Variants in TRDN observed in about 807,000 individuals in gnomAD.
TRDN encodes triadin, also known as triadin in skeletal muscle.
A neutral mutation model predicts 149.7 loss-of-function variants in TRDN; 161 were observed. The observed-to-expected ratio is 1.08, with a 90% CI of 0.95 to 1.23. TRDN has a LOEUF of 1.23. Ranked by LOEUF, TRDN falls within the 50% of genes most tolerant of loss-of-function variation. The pLI, the probability that TRDN is intolerant of heterozygous loss-of-function variation, is 0.00. For synonymous variants in TRDN, 294 were observed against 250.5 expected (o/e 1.17, Z -1.64); for missense variants, 896 against 823.5 (o/e 1.09, Z -1.08).
intron 1 of TRDN, among the ~76,000 whole-genome samples, chr6:123,571,390 A>C (rs185182421): frequency 6.6e-6 from 1 of 152,304 alleles, no homozygotes; most frequent in East Asian, 1.9e-4. Context: ...AATCAACACA[A>C]GTGATAAAAT....
At chr6:123,608,226 T>C (rs1784610756) in intron 1 of TRDN, among the ~76,000 whole-genome samples, 1 of 142,972 alleles carries the variant, frequency 7.0e-6, no homozygotes, top group Non-Finnish European at 1.6e-5. Context: ...AATTATTTAG[T>C]ATCTCTGTAC....
chr6:123,300,547 C>G (rs1432064819), intron 24 of TRDN, among the ~76,000 whole-genome samples: 1 of 151,830 alleles, frequency 6.6e-6, no homozygotes, highest in Non-Finnish European at 1.5e-5. Context: ...AAAATTGTAC[C>G]TGTCATAGAC....
chr6:123,599,230 T>G (rs80307166), intron 1 of TRDN, among the ~76,000 whole-genome samples: 5,864 of 152,152 alleles, frequency 0.039, 366 homozygotes, highest in African/African-American at 0.13. Context: ...ATTTATTCTT[T>G]GCTCTGTACA....
At chr6:123,608,320 G>A (rs1784614765) in intron 1 of TRDN, among the ~76,000 whole-genome samples, 1 of 152,086 alleles carries the variant, frequency 6.6e-6, no homozygotes, top group Non-Finnish European at 1.5e-5. Context: ...AAAAATACTT[G>A]TCAGTCACTT....
chr6:123,556,838 C>T (rs746906571), intron 2 of TRDN, among the ~76,000 whole-genome samples: 16 of 152,100 alleles, frequency 1.1e-4, no homozygotes, highest in Non-Finnish European at 1.9e-4. Context: ...AATCCCAAAG[C>T]GATAGTGTCA....
At chr6:123,344,792 C>T (rs1378192559) in intron 21 of TRDN, among the ~76,000 whole-genome samples, 3 of 151,942 alleles carry the variant, frequency 2.0e-5, no homozygotes, top group Non-Finnish European at 4.4e-5. Context: ...TGGATAAATA[C>T]CAAGGAGCGT....
intron 24 of TRDN, among the ~76,000 whole-genome samples, chr6:123,285,287 A>G (rs959576265): frequency 2.6e-5 from 4 of 152,156 alleles, no homozygotes; most frequent in Non-Finnish European, 5.9e-5. Context: ...ATGATTTCAA[A>G]CTATATTATA....
chr6:123,296,558 T>C (rs892032708), intron 24 of TRDN, among the ~76,000 whole-genome samples: 15 of 146,964 alleles, frequency 1.0e-4, no homozygotes, highest in African/African-American at 3.4e-4. Context: ...GAAATATAAA[T>C]GTTAAATATA....
chr6:123,421,003 G>T (rs192348881), intron 12 of TRDN, among the ~76,000 whole-genome samples: 70 of 152,274 alleles, frequency 4.6e-4, no homozygotes, highest in Admixed American at 2.3e-3. Context: ...ATTTCCCTCT[G>T]ATTCTTTCTT....
At chr6:123,308,616 A>G (rs1311391789) in intron 24 of TRDN, among the ~76,000 whole-genome samples, 3 of 152,008 alleles carry the variant, frequency 2.0e-5, no homozygotes, top group African/African-American at 4.8e-5. Context: ...ACAAGTGTCT[A>G]TAGAAAATCT....
intron 25 of TRDN, 117 bp from the exon 26 acceptor site, chr6:123,278,464 T>C: frequency 1.5e-6 from 1 of 655,802 alleles, no homozygotes; most frequent in South Asian, 3.7e-5. Context: ...GGTTTCAATC[T>C]CCTATTAACT....
chr6:123,398,497 T>C (rs1772826831), intron 12 of TRDN, among the ~76,000 whole-genome samples: 1 of 152,226 alleles, frequency 6.6e-6, no homozygotes, highest in Non-Finnish European at 1.5e-5. Context: ...TGACAAATTA[T>C]CTTGCAGTCC....
rs34201164 is a variant in TRDN, at chr6:123,438,325, CT to C, written c.992-204del. Among the ~76,000 whole-genome samples, 959 of 147,172 alleles carry C rather than the reference CT, an allele frequency of 6.5e-3. 11 individuals are homozygous for C. The highest frequency in any genetic ancestry group is 0.019 in the African/African-American group (780 of 40,450). ...TATAATTTCTCTTCAGGAAACAGAA[CT>C]TTTTTTTTTTTGCCAAAGGCAAAAA... On this transcript the variant is annotated intron_variant, in intron 11 of 40. Transcript: ENST00000334268.
intron 20 of TRDN, among the ~76,000 whole-genome samples, chr6:123,353,288 C>T (rs1443520727): frequency 1.3e-5 from 2 of 151,558 alleles, no homozygotes; most frequent in Non-Finnish European, 3.0e-5. Context: ...GCTATTGCAC[C>T]CAAATATCAC....
chr6:123,387,955 A>C (rs1781969188), intron 14 of TRDN, among the ~76,000 whole-genome samples: 1 of 152,146 alleles, frequency 6.6e-6, no homozygotes, highest in African/African-American at 2.4e-5. Context: ...GGTCATGGAC[A>C]CTGGATCTCT....
intron 38 of TRDN, among the ~76,000 whole-genome samples, chr6:123,241,890 G>A (rs1364326219): frequency 6.6e-6 from 1 of 151,892 alleles, no homozygotes; most frequent in Admixed American, 6.6e-5. Context: ...CAGGAAACAT[G>A]GCAAAGTTAA....
intron 8 of TRDN, chr6:123,498,257 A>C: frequency 5.2e-6 from 1 of 192,968 alleles, no homozygotes; most frequent in Non-Finnish European, 1.1e-5. Flanking sequence ...AATTATGCAT[A>C]TCAAACATAT....
At chr6:123,368,571 A>T (rs1264558953) in intron 19 of TRDN, among the ~76,000 whole-genome samples, 2 of 152,138 alleles carry the variant, frequency 1.3e-5, no homozygotes, top group African/African-American at 4.8e-5. Context: ...ATATTTTGCC[A>T]GGGTTGGGAG....
intron 40 of TRDN, among the ~76,000 whole-genome samples, chr6:123,219,500 A>G (rs946870594): frequency 1.3e-5 from 2 of 151,848 alleles, no homozygotes; most frequent in Admixed American, 6.6e-5. Context: ...GCCAGGAAAG[A>G]AAAATCATAG....
Sources: allele counts gnomAD v4.1 joint callset (sites outside exome capture counted in the v4.1 genomes callset), GRCh38; gene constraint gnomAD v4.1.1; transcripts MANE v1.5; gene names NCBI Gene and HGNC (gene_info 2026-07-23, HGNC 2026-07-21).